Variants in HIBCH observed in about 807,000 individuals in gnomAD.
HIBCH encodes the protein 3-hydroxyisobutyryl-CoA hydrolase, mitochondrial.
In HIBCH, 50 loss-of-function variants were observed where a neutral mutation model predicts 58.2. That is an observed-to-expected ratio of 0.86 (90% CI 0.68 to 1.09). HIBCH has a LOEUF of 1.09. Ranked by LOEUF, HIBCH falls within the 50% of genes least tolerant of loss-of-function variation. HIBCH has a pLI of 0.00. For synonymous variants in HIBCH, 151 were observed against 146.9 expected (o/e 1.03, Z -0.20); for missense variants, 450 against 449.7 (o/e 1.00, Z -0.01).
chr2:190,198,933 G>A (rs1441951111), downstream of HIBCH, among the ~76,000 whole-genome samples: 1 of 152,182 alleles, frequency 6.6e-6, no homozygotes, highest in Non-Finnish European at 1.5e-5. Context: ...GTAGGAATGA[G>A]ACATTTAGGA....
chr2:190,260,156 T>C (rs1687049525), intron 7 of HIBCH, among the ~76,000 whole-genome samples: 1 of 152,206 alleles, frequency 6.6e-6, no homozygotes, highest in South Asian at 2.1e-4. Context: ...GACATAATTG[T>C]CTCTTTAGGA....
At chr2:190,200,411 AGCACTTC>A (rs1690195336), downstream of HIBCH, 1 of 366,806 alleles carries the variant, frequency 2.7e-6, no homozygotes, top group Admixed American at 4.2e-5. Context: ...TGAATGTCAC[AGCACTTC>A]TTCCTAAGTA....
intron 4 of HIBCH, among the ~76,000 whole-genome samples, chr2:190,293,258 C>T (rs1373846355): frequency 6.7e-6 from 1 of 149,968 alleles, no homozygotes; most frequent in African/African-American, 2.5e-5. Flanking sequence ...TCAAGACCAG[C>T]CTGGCCAACA....
chr2:190,225,030 T>A (rs1404159905), intron 11 of HIBCH, among the ~76,000 whole-genome samples: 1 of 152,276 alleles, frequency 6.6e-6, no homozygotes, highest in African/African-American at 2.4e-5. Context: ...ACTAGGTACA[T>A]AACGAAATGA....
At chr2:190,278,858 A>G (rs959473764) in intron 6 of HIBCH, among the ~76,000 whole-genome samples, 11 of 152,126 alleles carry the variant, frequency 7.2e-5, no homozygotes, top group Non-Finnish European at 1.5e-4. Context: ...AAATAATTCT[A>G]AAGTGCCAAC....
chr2:190,283,609 A>G lies in HIBCH; in HGVS notation c.438+3977T>C, dbSNP rs887265110. ...ACATATTGTAAATATTCCAAAATCCAAAACACTCCTCGTCCTAAGCATTTC... is the reference window on the plus strand; with the variant it reads ...ACATATTGTAAATATTCCAAAATCCGAAACACTCCTCGTCCTAAGCATTTC... On this transcript the variant is annotated intron_variant, in intron 6 of 13. Transcript: ENST00000359678. Among the ~76,000 whole-genome samples the G allele has an allele frequency of 3.9e-5, 6 of 152,330 alleles. 1 individual carries two copies. Among genetic ancestry groups the G allele is most frequent in the Admixed American group, 1.3e-4 (2 of 15,292 alleles).
intron 8 of HIBCH, among the ~76,000 whole-genome samples, chr2:190,251,769 C>A (rs1686780896): frequency 6.6e-6 from 1 of 151,226 alleles, no homozygotes; most frequent in Non-Finnish European, 1.5e-5. Context: ...TTTCAATGCG[C>A]TAGGGAAACT....
intron 6 of HIBCH, among the ~76,000 whole-genome samples, chr2:190,286,763 CA>C (rs1206156896): frequency 2.6e-5 from 4 of 151,938 alleles, no homozygotes; most frequent in Non-Finnish European, 5.9e-5. Flanking sequence ...GACAGAAATG[CA>C]GTTACAGAGA....
downstream of HIBCH, chr2:190,199,662 G>A: frequency 1.5e-6 from 2 of 1,353,644 alleles, no homozygotes; most frequent in Non-Finnish European, 1.9e-6. Flanking sequence ...TTTGCATTCT[G>A]TAACTTCAAA....
chr2:190,279,730 G>A lies in HIBCH; in HGVS notation c.438+7856C>T, dbSNP rs565204771. The A allele has an allele frequency of 2.1e-4, 33 of 159,920 alleles. No homozygotes were observed. Among genetic ancestry groups the A allele is most frequent in the Non-Finnish European group, 3.8e-4 (28 of 74,424 alleles). The allele number at this position is 159,920 out of a possible 1,614,324, so 9.9% of individuals were successfully genotyped here. On this transcript the variant is annotated intron_variant, in intron 6 of 13. Transcript: ENST00000359678. The surrounding 1 kb of genome is among the most constrained non-coding windows in gnomAD (Gnocchi z 4.2). ...ACATTTAGCCTAAATATTTGCCCTG[G>A]CATGCTTATACTGGTCCAAGCAAGC...
intron 5 of HIBCH, among the ~76,000 whole-genome samples, chr2:190,289,438 T>TA (rs1195764668): frequency 6.6e-6 from 1 of 152,194 alleles, no homozygotes; most frequent in African/African-American, 2.4e-5. Flanking sequence ...AAATATTTAG[T>TA]AAAAATGTCA....
At chr2:190,310,283 T>C (rs760649484) in intron 2 of HIBCH, among the ~76,000 whole-genome samples, 20 of 152,302 alleles carry the variant, frequency 1.3e-4, no homozygotes, top group Middle Eastern at 3.4e-3. Flanking sequence ...GCTCCTCAAT[T>C]TGCGGACGGC....
intron 11 of HIBCH, among the ~76,000 whole-genome samples, chr2:190,221,990 A>T (rs983628601): frequency 6.6e-6 from 1 of 152,216 alleles, no homozygotes; most frequent in East Asian, 1.9e-4. Context: ...GATGTCGGAC[A>T]AGAACTCACT....
chr2:190,223,418 C>T (rs1370411757), intron 11 of HIBCH, among the ~76,000 whole-genome samples: 3 of 152,050 alleles, frequency 2.0e-5, no homozygotes, highest in Non-Finnish European at 4.4e-5. Context: ...TTTTTTTCAC[C>T]ACTATTTCCT....
intron 7 of HIBCH, among the ~76,000 whole-genome samples, chr2:190,257,124 A>G (rs1306986294): frequency 6.6e-6 from 1 of 152,216 alleles, no homozygotes; most frequent in Non-Finnish European, 1.5e-5. Flanking sequence ...GAAGAGCACC[A>G]AAGCACATCA....
intron 9 of HIBCH, among the ~76,000 whole-genome samples, chr2:190,248,221 G>A (rs1057040866): frequency 2.6e-5 from 4 of 152,138 alleles, no homozygotes; most frequent in African/African-American, 9.7e-5. Flanking sequence ...CTAAAATTAG[G>A]AAGCTTTGCG....
chr2:190,255,814 C>T (rs755817008), intron 7 of HIBCH, among the ~76,000 whole-genome samples: 4 of 151,422 alleles, frequency 2.6e-5, no homozygotes, highest in Admixed American at 6.6e-5. Flanking sequence ...CTTTTAAGTA[C>T]TTAGCTTAGG....
At chr2:190,225,369 C>T (rs1215182616) in intron 11 of HIBCH, among the ~76,000 whole-genome samples, 4 of 152,030 alleles carry the variant, frequency 2.6e-5, no homozygotes, top group Non-Finnish European at 4.4e-5. Flanking sequence ...TGATAGACAG[C>T]TAGCAAGACT....
intron 7 of HIBCH, 109 bp from the exon 8 acceptor site, chr2:190,252,416 A>C: frequency 2.3e-6 from 2 of 864,826 alleles, no homozygotes; most frequent in Non-Finnish European, 3.8e-6. Flanking sequence ...GCTTGAATAT[A>C]CATTACAAAC....
Sources: allele counts gnomAD v4.1 joint callset (sites outside exome capture counted in the v4.1 genomes callset), GRCh38; gene constraint gnomAD v4.1.1; non-coding constraint Gnocchi (gnomAD v3.1); transcripts MANE v1.5; gene names NCBI Gene and HGNC (gene_info 2026-07-23, HGNC 2026-07-21).